The following ZSCAN22 variants were observed in gnomAD, a reference collection of about 807,000 sequenced individuals.
ZSCAN22 encodes the protein zinc finger and SCAN domain-containing protein 22.
In ZSCAN22, 7 loss-of-function variants were observed where a neutral mutation model predicts 12.4. That is an observed-to-expected ratio of 0.57 (90% CI 0.32 to 1.06). The LOEUF is 1.06. Ranked by LOEUF, ZSCAN22 falls within the 50% of genes least tolerant of loss-of-function variation. The pLI, the probability that ZSCAN22 is intolerant of heterozygous loss-of-function variation, is 0.04. For missense variants in ZSCAN22, 576 were observed against 631.7 expected (o/e 0.91, Z 0.94); for synonymous variants, 243 against 255.9 (o/e 0.95, Z 0.48).
In ZSCAN22 at chr19:58,338,259, G is replaced by A. The variant is rs780904439; in HGVS notation, c.409G>A (p.Asp137Asn). Residue 137 changes from aspartate to asparagine, a missense_variant, in exon 3 of 3, where the codon GAT becomes AAT. Asp to Asn is a conservative substitution (Grantham distance 23, BLOSUM62 1). Coordinates refer to ENST00000329665, the MANE Select transcript of ZSCAN22 (RefSeq NM_181846.3). This position sits in a 1 kb window ranked among gnomAD's most constrained non-coding sequence, Gnocchi z 5.4. ...LTQVLDKRGW[D>N]PGAEPTEASC... is the part of the protein sequence containing the mutation. ...TGTGGTTCGGACTGTTTCAGGATGG[G>A]ATCCAGGAGCCGAGCCCACAGAGGC... is the stretch of plus-strand genomic sequence containing the variant. 1 of 1,597,958 alleles carries A rather than the reference G, an allele frequency of 6.3e-7. No homozygotes were observed. Among genetic ancestry groups the A allele is most frequent in the Non-Finnish European group, 8.6e-7 (1 of 1,168,470 alleles).
At position 58,338,748 on chromosome 19, in the gene ZSCAN22, G is replaced by A. The variant is rs373749935; in HGVS notation, c.898G>A (p.Glu300Lys). 45 of 1,614,112 alleles carry A rather than the reference G, an allele frequency of 2.8e-5. No individual in the cohort carries two copies. Among genetic ancestry groups the A allele is most frequent in the African/African-American group, 1.3e-4 (10 of 74,940 alleles). ...HSRKTPYACS[E>K]CGKAFSRSTH... Reference sequence around the variant, plus strand: ...TCGGAAGACCCCATATGCCTGCAGCGAGTGTGGGAAAGCCTTCAGCCGGAG... The same window carrying A: ...TCGGAAGACCCCATATGCCTGCAGCAAGTGTGGGAAAGCCTTCAGCCGGAG... Residue 300 changes from glutamate (E) to lysine (K), a missense_variant, in exon 3 of 3, where the codon GAG becomes AAG. Glu to Lys is a moderately conservative substitution (Grantham distance 56, BLOSUM62 1). Transcript: ENST00000329665. The surrounding 1 kb of genome is among the most constrained non-coding windows in gnomAD (Gnocchi z 5.4).
At position 58,338,122 on chromosome 19, in the gene ZSCAN22, T is replaced by C. The variant is rs1175473091; in HGVS notation, c.404-132T>C. On this transcript the variant is annotated intron_variant, in intron 2 of 2. Coordinates refer to ENST00000329665, the MANE Select transcript of ZSCAN22 (RefSeq NM_181846.3). The surrounding 1 kb of genome is among the most constrained non-coding windows in gnomAD (Gnocchi z 5.4). The stretch of plus-strand genomic sequence containing the variant: ...CATCCAAGACACCAAATGAGAAACT[T>C]CCCCTTGGAACTGGGGCCAGATGTT... 1 of 791,406 alleles carries C rather than the reference T, an allele frequency of 1.3e-6. No individual in the cohort carries two copies. Among genetic ancestry groups the C allele is most frequent in the Admixed American group, 2.9e-5 (1 of 34,018 alleles). The allele number at this position is 791,406 out of a possible 1,614,324, so 49.0% of individuals were successfully genotyped here.
rs144167717 is a variant in ZSCAN22, at chr19:58,338,817, C to G, written c.967C>G (p.Pro323Ala). The G allele has an allele frequency of 4.5e-4, 726 of 1,613,928 alleles. No individual in the cohort carries two copies. The highest frequency in any genetic ancestry group is 5.9e-4 in the Non-Finnish European group (699 of 1,179,908). ...QHQVVHTGAK[P>A]HECKECGKAF... ...CCAGGTTGTCCACACAGGGGCGAAG[C>G]CCCATGAGTGTAAGGAATGTGGGAA... Residue 323 changes from proline (P) to alanine (A), a missense_variant, in exon 3 of 3, where the codon CCC becomes GCC. Coordinates refer to ENST00000329665, the MANE Select transcript of ZSCAN22 (RefSeq NM_181846.3). The surrounding 1 kb of genome is among the most constrained non-coding windows in gnomAD (Gnocchi z 5.4).
At chr19:58,328,787 C>A (rs2051686864) in intron 1 of ZSCAN22, among the ~76,000 whole-genome samples, 1 of 152,184 alleles carries the variant, frequency 6.6e-6, no homozygotes, top group Non-Finnish European at 1.5e-5. Context: ...TCATCCCTGC[C>A]ACCCTTGCTC....
At chr19:58,332,406 T>G (rs1277634010) in intron 1 of ZSCAN22, among the ~76,000 whole-genome samples, 4 of 151,644 alleles carry the variant, frequency 2.6e-5, no homozygotes, top group Admixed American at 6.6e-5. Context: ...CCTGAGTAGT[T>G]GGGATTACAG....
At chr19:58,337,983 C>A (rs1448769507) in intron 2 of ZSCAN22, among the ~76,000 whole-genome samples, 1 of 152,264 alleles carries the variant, frequency 6.6e-6, no homozygotes, top group Non-Finnish European at 1.5e-5. Flanking sequence ...CTCCTCTTGA[C>A]TCTTGAGCCA....
chr19:58,333,686 A>G (rs1600487789), intron 1 of ZSCAN22, among the ~76,000 whole-genome samples: 2 of 152,214 alleles, frequency 1.3e-5, no homozygotes, highest in African/African-American at 4.8e-5. Context: ...TCCACTAAAA[A>G]TACAAAAATT....
In ZSCAN22 at chr19:58,340,688, G is replaced by A. The variant is rs2051863665; in HGVS notation, c.*1362G>A. The A allele has an allele frequency of 7.1e-6, 1 of 140,998 alleles. No homozygotes were observed. The highest frequency in any genetic ancestry group is 2.2e-4 in the South Asian group (1 of 4,512). 8.7% of individuals were successfully genotyped at this position (140,998 alleles called of 1,614,324 possible). A position where few individuals can be genotyped will look rare whatever the true frequency, so the allele number is the denominator to read the frequency against. ...TTTAGTAGAGATGGAGTTTCACCATGTTAGCCAGGATGGTCTCGATCTCCT... is the reference window on the plus strand; with the variant it reads ...TTTAGTAGAGATGGAGTTTCACCATATTAGCCAGGATGGTCTCGATCTCCT... On this transcript the variant is annotated 3_prime_UTR_variant, in exon 3 of 3. Coordinates refer to ENST00000329665, the MANE Select transcript of ZSCAN22 (RefSeq NM_181846.3).
intron 1 of ZSCAN22, among the ~76,000 whole-genome samples, chr19:58,328,905 C>G (rs1600482618): frequency 6.6e-6 from 1 of 152,120 alleles, no homozygotes; most frequent in South Asian, 2.1e-4. Context: ...TAGGGCAAGT[C>G]CTGTGTGCTG....
Position 58,341,502 on chromosome 19 carries a change from A to C in ZSCAN22, c.*2176A>C, listed in dbSNP as rs1005482197. On this transcript the variant is annotated 3_prime_UTR_variant, in exon 3 of 3. Transcript: ENST00000329665. The stretch of plus-strand genomic sequence containing the variant: ...TCACCGTCACCATCTCTCCATATGT[A>C]TCTCCCTGTATTTCGGGCCCATTCC... The C allele has an allele frequency of 6.6e-6, 1 of 152,178 alleles. No individual in the cohort carries two copies. The highest frequency in any genetic ancestry group is 6.5e-5 in the Admixed American group (1 of 15,274). 9.4% of individuals were successfully genotyped at this position (152,178 alleles called of 1,614,324 possible).
In ZSCAN22 at chr19:58,329,778, A is replaced by C. The variant is rs2051700771; in HGVS notation, c.-52+2664A>C. On this transcript the variant is annotated intron_variant, in intron 1 of 2. Coordinates refer to ENST00000329665, the MANE Select transcript of ZSCAN22 (RefSeq NM_181846.3). This position sits in a 1 kb window ranked among gnomAD's most constrained non-coding sequence, Gnocchi z 4.1. ...TTATCAAGGGTATATAATAAGAAAA[A>C]AATATAGAATATATAAGGTTCAGTA... is the stretch of plus-strand genomic sequence containing the variant. 6.6e-6 allele frequency among the ~76,000 whole-genome samples: 1 copy of C among 152,206 alleles called. No individual in the cohort carries two copies. The highest frequency in any genetic ancestry group is 6.5e-5 in the Admixed American group (1 of 15,276).
rs1309431698 is a variant in ZSCAN22 at position 58,335,754 on chromosome 19, G to C, written c.403+549G>C. On this transcript the variant is annotated intron_variant, in intron 2 of 2. Transcript: ENST00000329665. This position sits in a 1 kb window ranked among gnomAD's most constrained non-coding sequence, Gnocchi z 4.1. Reference sequence around the variant, plus strand: ...AGACGAGGGCCTGGGTGCCTGGGGTGGCTGTTGGGGGTGACGGAAATACCA... The same window carrying C: ...AGACGAGGGCCTGGGTGCCTGGGGTCGCTGTTGGGGGTGACGGAAATACCA... Among the ~76,000 whole-genome samples the C allele has an allele frequency of 6.6e-6, 1 of 152,238 alleles. No individual in the cohort carries two copies. Among genetic ancestry groups the C allele is most frequent in the Non-Finnish European group, 1.5e-5 (1 of 68,044 alleles).
chr19:58,338,209 C>A lies in ZSCAN22; in HGVS notation c.404-45C>A. On this transcript the variant is annotated intron_variant, in intron 2 of 2. Coordinates refer to ENST00000329665, the MANE Select transcript of ZSCAN22 (RefSeq NM_181846.3). This position sits in a 1 kb window ranked among gnomAD's most constrained non-coding sequence, Gnocchi z 5.4. ...GGGGCCCTCGGCAGAGTAGGGGAGGCTTGGTGTGGTAGGAGGAGTGACAGT... is the reference window on the plus strand; with the variant it reads ...GGGGCCCTCGGCAGAGTAGGGGAGGATTGGTGTGGTAGGAGGAGTGACAGT... 6.5e-7 allele frequency: 1 copy of A among 1,527,752 alleles called. No homozygotes were observed. The highest frequency in any genetic ancestry group is 8.9e-7 in the Non-Finnish European group (1 of 1,126,188). 94.6% of individuals were successfully genotyped at this position (1,527,752 alleles called of 1,614,324 possible). A position where few individuals can be genotyped will look rare whatever the true frequency, so the allele number is the denominator to read the frequency against.
intron 2 of ZSCAN22, among the ~76,000 whole-genome samples, chr19:58,336,924 C>A (rs2051804316): frequency 6.6e-6 from 1 of 152,196 alleles, no homozygotes; most frequent in Non-Finnish European, 1.5e-5. Context: ...AGTTTCTGCA[C>A]TGCTGAGCCC....
chr19:58,334,539 T>TCTCGG, intron 1 of ZSCAN22: 7 of 359,324 alleles, frequency 1.9e-5, no homozygotes, highest in Admixed American at 4.3e-5. Flanking sequence ...AGGATGGTGT[T>TCTCGG]TGTTGTAAGT....
rs748418009 is a variant in ZSCAN22 at position 58,338,304 on chromosome 19, C to T, written c.454C>T (p.Leu152=). 10 of 1,611,832 alleles carry T rather than the reference C, an allele frequency of 6.2e-6. No homozygotes were observed. The highest frequency in any genetic ancestry group is 8.5e-6 in the Non-Finnish European group (10 of 1,178,472). ...PTEASCKQSD[L]GESEPSNVTE... ...AGAGGCAAGCTGCAAGCAGAGTGACCTGGGAGAGTCAGAGCCATCAAATGT... is the reference window on the plus strand; with the variant it reads ...AGAGGCAAGCTGCAAGCAGAGTGACTTGGGAGAGTCAGAGCCATCAAATGT... Residue 152 remains leucine, a synonymous_variant, in exon 3 of 3, where the codon CTG becomes TTG. Coordinates refer to ENST00000329665, the MANE Select transcript of ZSCAN22 (RefSeq NM_181846.3). This position sits in a 1 kb window ranked among gnomAD's most constrained non-coding sequence, Gnocchi z 5.4.
In ZSCAN22 at chr19:58,329,434, G is replaced by T. The variant is rs1367584073; in HGVS notation, c.-52+2320G>T. Among the ~76,000 whole-genome samples the T allele has an allele frequency of 6.6e-6, 1 of 152,242 alleles. No individual in the cohort carries two copies. The highest frequency in any genetic ancestry group is 1.5e-5 in the Non-Finnish European group (1 of 68,038). ...CTGTGGGAGTCGTGGATGGGAGAGG[G>T]AGAGGCTAAGTCTTTGAGTAAGGAG... is the stretch of plus-strand genomic sequence containing the variant. On this transcript the variant is annotated intron_variant, in intron 1 of 2. Coordinates refer to ENST00000329665, the MANE Select transcript of ZSCAN22 (RefSeq NM_181846.3). This position sits in a 1 kb window ranked among gnomAD's most constrained non-coding sequence, Gnocchi z 4.1.
chr19:58,336,617 A>G (rs2051800848), intron 2 of ZSCAN22, among the ~76,000 whole-genome samples: 1 of 152,158 alleles, frequency 6.6e-6, no homozygotes. Context: ...TGAAATCCCA[A>G]CTGGGCCACT....
In ZSCAN22 at chr19:58,329,470, C is replaced by T. The variant is rs750536092; in HGVS notation, c.-52+2356C>T. On this transcript the variant is annotated intron_variant, in intron 1 of 2. Transcript: ENST00000329665. This position sits in a 1 kb window ranked among gnomAD's most constrained non-coding sequence, Gnocchi z 4.1. The stretch of plus-strand genomic sequence containing the variant: ...TCTTTGAGTAAGGAGTAGTATGTGG[C>T]CAAAGCAAAGTGTCGAGGTCTCCTA... Among the ~76,000 whole-genome samples the T allele has an allele frequency of 7.2e-5, 11 of 152,256 alleles. No homozygotes were observed. The highest frequency in any genetic ancestry group is 1.5e-4 in the Non-Finnish European group (10 of 68,014).
Sources: allele counts gnomAD v4.1 joint callset (sites outside exome capture counted in the v4.1 genomes callset), GRCh38; gene constraint gnomAD v4.1.1; non-coding constraint Gnocchi (gnomAD v3.1); transcripts MANE v1.5; gene names NCBI Gene and HGNC (gene_info 2026-07-23, HGNC 2026-07-21).